CRYBG1: variants seen among roughly 807,000 people sequenced by gnomAD.
The protein encoded by CRYBG1 is crystallin beta-gamma domain containing 1, also known as beta/gamma crystallin domain-containing protein 1.
CRYBG1 carries 139 observed loss-of-function variants against 189.2 expected under a neutral mutation model. The ratio of observed to expected loss-of-function variants is 0.73; its 90% CI spans 0.64 to 0.85. CRYBG1 has a LOEUF of 0.85. Ranked by LOEUF, CRYBG1 falls within the 40% of genes least tolerant of loss-of-function variation. CRYBG1 has a pLI of 0.00. For synonymous variants in CRYBG1, 1,023 were observed against 1,017.1 expected (o/e 1.01, Z -0.11); for missense variants, 2,611 against 2,675.8 (o/e 0.98, Z 0.53).
chr6:106,436,443 C>T (rs1771460094), intron 1 of CRYBG1, among the ~76,000 whole-genome samples: 1 of 152,096 alleles, frequency 6.6e-6, no homozygotes, highest in African/African-American at 2.4e-5. Context: ...GGACTACAGG[C>T]GCCGCCACCT....
At chr6:106,395,988 G>A (rs991017627) in intron 1 of CRYBG1, among the ~76,000 whole-genome samples, 13 of 152,178 alleles carry the variant, frequency 8.5e-5, no homozygotes, top group Middle Eastern at 3.4e-3. Flanking sequence ...GGATCCAACC[G>A]TATGAAAGGG....
intron 1 of CRYBG1, among the ~76,000 whole-genome samples, chr6:106,428,086 C>A (rs1310462765): frequency 6.6e-6 from 1 of 152,184 alleles, no homozygotes. Context: ...GAAGCCACTT[C>A]ATTTTTCTTT....
intron 2 of CRYBG1, among the ~76,000 whole-genome samples, chr6:106,476,391 A>G (rs1772334939): frequency 6.6e-6 from 1 of 152,218 alleles, no homozygotes; most frequent in South Asian, 2.1e-4. Context: ...ATTAAATTCT[A>G]TAAACGTCAA....
At chr6:106,393,892 C>T (rs1156554730) in intron 1 of CRYBG1, among the ~76,000 whole-genome samples, 7 of 152,052 alleles carry the variant, frequency 4.6e-5, no homozygotes, top group Non-Finnish European at 7.4e-5. Context: ...AGGCTGGTCT[C>T]GAACTCCTGA....
At chr6:106,485,953 T>C (rs963000717) in intron 2 of CRYBG1, among the ~76,000 whole-genome samples, 10 of 152,200 alleles carry the variant, frequency 6.6e-5, no homozygotes, top group African/African-American at 2.4e-4. Context: ...TTTTGTCTGG[T>C]TTTTGAATCA....
Position 106,568,462 on chromosome 6 carries a change from TTTC to T in CRYBG1, c.6302-7_6302-5del, listed in dbSNP as rs1562124144. Reference sequence around the variant, plus strand: ...GTACATTCATCTTTTATTATTTTCCTTTCTTTTAGGGGGCACACAGTATGATCA... The same window carrying T: ...GTACATTCATCTTTTATTATTTTCCTTTTTAGGGGGCACACAGTATGATCA... On this transcript the variant is annotated splice_region_variant and splice_polypyrimidine_tract_variant and intron_variant, in intron 21 of 21. Transcript: ENST00000633556. 2.5e-6 allele frequency: 4 copies of T among 1,606,780 alleles called. No homozygotes were observed. Among genetic ancestry groups the T allele is most frequent in the Non-Finnish European group, 3.4e-6 (4 of 1,173,480 alleles).
In CRYBG1 at chr6:106,550,960, C is replaced by T. The variant is rs551616683; in HGVS notation, c.5313-892C>T. Among the ~76,000 whole-genome samples, 5 of 152,108 alleles carry T rather than the reference C, an allele frequency of 3.3e-5. No homozygotes were observed. In the South Asian group the frequency reaches 8.3e-4, roughly 25 times the overall value. On this transcript the variant is annotated intron_variant, in intron 13 of 21. Coordinates refer to ENST00000633556, the MANE Select transcript of CRYBG1 (RefSeq NM_001371242.2). ...AAAAGTTCATGTCAAGATACCCTTA[C>T]GCTTACCATTTCTTTTGCATTAAGT...
At chr6:106,506,288 C>T (rs557278767) in intron 2 of CRYBG1, among the ~76,000 whole-genome samples, 27 of 152,210 alleles carry the variant, frequency 1.8e-4, no homozygotes, top group Admixed American at 1.6e-3. Flanking sequence ...CTGTCAGTCC[C>T]CCATGCTAGC....
In CRYBG1 at chr6:106,521,244, C is replaced by A. The variant is rs372779090; in HGVS notation, c.4036C>A (p.Arg1346=). 1 of 1,613,860 alleles carries A rather than the reference C, an allele frequency of 6.2e-7. No individual in the cohort carries two copies. The highest frequency in any genetic ancestry group is 1.1e-5 in the South Asian group (1 of 91,058). Residue 1346 remains arginine, a synonymous_variant, in exon 4 of 22, where the codon CGA becomes AGA. Transcript: ENST00000633556. The part of the protein sequence containing the change: ...KEKTKEDLDS[R]SNLHLPETKF... Reference sequence around the variant, plus strand: ...GAAAACCAAAGAAGATCTGGATTCACGAAGCAACCTACACTTGCCAGAAAC... The same window carrying A: ...GAAAACCAAAGAAGATCTGGATTCAAGAAGCAACCTACACTTGCCAGAAAC...
intron 8 of CRYBG1, among the ~76,000 whole-genome samples, chr6:106,531,764 A>G (rs1438913442): frequency 6.6e-6 from 1 of 152,228 alleles, no homozygotes; most frequent in Non-Finnish European, 1.5e-5. Context: ...ACACCACTTG[A>G]GCCAAGAACT....
chr6:106,466,745 A>G (rs1355277184), intron 2 of CRYBG1, among the ~76,000 whole-genome samples: 1 of 152,262 alleles, frequency 6.6e-6, no homozygotes, highest in African/African-American at 2.4e-5. Flanking sequence ...TAAGAGAACA[A>G]GTTAAGTAGA....
rs150251042 is a variant in CRYBG1 at position 106,545,588 on chromosome 6, C to G, written c.5312+655C>G. Among the ~76,000 whole-genome samples, 254 of 152,354 alleles carry G rather than the reference C, an allele frequency of 1.7e-3. 2 individuals carry two copies. The highest frequency in any genetic ancestry group is 6.1e-3 in the African/African-American group (253 of 41,586). On this transcript the variant is annotated intron_variant, in intron 13 of 21. Coordinates refer to ENST00000633556, the MANE Select transcript of CRYBG1 (RefSeq NM_001371242.2). Reference sequence around the variant, plus strand: ...ATCAAACACTATCAGAACTTAGTCTCTGTGTCTTGACTGGGCTTTTTTCTG... The same window carrying G: ...ATCAAACACTATCAGAACTTAGTCTGTGTGTCTTGACTGGGCTTTTTTCTG...
chr6:106,411,570 G>A (rs1770928055), intron 1 of CRYBG1, among the ~76,000 whole-genome samples: 1 of 152,066 alleles, frequency 6.6e-6, no homozygotes, highest in Non-Finnish European at 1.5e-5. Context: ...CTTTTTATTA[G>A]TCAGGATTTT....
intron 2 of CRYBG1, among the ~76,000 whole-genome samples, chr6:106,497,155 A>AC (rs1257645237): frequency 6.8e-6 from 1 of 146,506 alleles, no homozygotes. Flanking sequence ...CACCCTCCCC[A>AC]CCCCCCATGA....
At chr6:106,453,914 G>T (rs946743004) in intron 2 of CRYBG1, among the ~76,000 whole-genome samples, 14 of 152,160 alleles carry the variant, frequency 9.2e-5, no homozygotes, top group African/African-American at 3.4e-4. Context: ...TGGAGCCGGA[G>T]CAGGGAGAAG....
At position 106,512,296 on chromosome 6, in the gene CRYBG1, G is replaced by C. The variant is rs765458247; in HGVS notation, c.1179G>C (p.Pro393=). The C allele has an allele frequency of 1.3e-6, 2 of 1,589,666 alleles. No individual in the cohort carries two copies. Among genetic ancestry groups the C allele is most frequent in the African/African-American group, 2.7e-5 (2 of 74,774 alleles). Residue 393 remains proline, a synonymous_variant, in exon 3 of 22, where the codon CCG becomes CCC. Transcript: ENST00000633556. ...SKTEGAQVDE[P]VVITPRAEDC... ...CTGAGGGGGCACAAGTGGACGAGCC[G>C]GTCGTGATTACTCCCAGAGCGGAAG... is the stretch of plus-strand genomic sequence containing the variant.
intron 2 of CRYBG1, among the ~76,000 whole-genome samples, chr6:106,501,449 T>G (rs890388146): frequency 6.6e-6 from 1 of 152,198 alleles, no homozygotes; most frequent in Non-Finnish European, 1.5e-5. Flanking sequence ...AAACTACATC[T>G]GATAAAGCTG....
intron 17 of CRYBG1, among the ~76,000 whole-genome samples, chr6:106,556,237 G>A (rs555695824): frequency 6.6e-6 from 1 of 152,286 alleles, no homozygotes; most frequent in African/African-American, 2.4e-5. Context: ...ACTCCCACCA[G>A]CAGTACACAT....
chr6:106,370,319 C>T (rs1562288099), intron 1 of CRYBG1, among the ~76,000 whole-genome samples: 1 of 152,308 alleles, frequency 6.6e-6, no homozygotes, highest in South Asian at 2.1e-4. Context: ...TCTGCCCTGA[C>T]ACAGGCAGGA....
Sources: gnomAD v4.1 joint callset for allele counts (sites outside exome capture counted in the v4.1 genomes callset) on GRCh38, gnomAD v4.1.1 for gene constraint, MANE v1.5 for transcripts, NCBI Gene and HGNC (gene_info 2026-07-23, HGNC 2026-07-21) for gene names.